RABGEF1: variants seen among roughly 807,000 people sequenced by gnomAD.
RABGEF1 encodes RAB guanine nucleotide exchange factor 1, also known as rab5 GDP/GTP exchange factor.
Under a neutral mutation model 57.3 loss-of-function variants are expected in RABGEF1, and 26 were observed. The observed-to-expected ratio is 0.45, with a 90% CI of 0.33 to 0.63. The LOEUF (loss-of-function observed/expected upper bound fraction) is 0.63. Ranked by LOEUF, RABGEF1 falls within the 20% of genes least tolerant of loss-of-function variation. The pLI is 0.02. For synonymous variants in RABGEF1, 185 were observed against 210.7 expected (o/e 0.88, Z 1.06); for missense variants, 464 against 607.6 (o/e 0.76, Z 2.48).
intron 4 of RABGEF1, among the ~76,000 whole-genome samples, chr7:66,786,100 C>T (rs142226170): frequency 6.6e-6 from 1 of 152,228 alleles, no homozygotes; most frequent in East Asian, 1.9e-4. Context: ...TTCTGAGATC[C>T]AGGAGAGTGA....
intron 2 of RABGEF1, among the ~76,000 whole-genome samples, chr7:66,730,388 G>A (rs796370244): frequency 2.6e-5 from 4 of 152,164 alleles, no homozygotes; most frequent in African/African-American, 7.2e-5. Flanking sequence ...CATCTTAAAC[G>A]GTAGGTTATT....
Position 66,809,541 on chromosome 7 carries a change from G to C in RABGEF1, c.*257G>C, listed in dbSNP as rs544892091. On this transcript the variant is annotated 3_prime_UTR_variant, in exon 9 of 9. Coordinates refer to ENST00000284957, the MANE Select transcript of RABGEF1 (RefSeq NM_014504.3). ...TTGTCTCAATCTTTTTTCCCTCCAT[G>C]ATTTTCCTATGTGCTTCCTCTGGCA... 1.5e-4 allele frequency: 53 copies of C among 349,054 alleles called. No individual in the cohort carries two copies. The highest frequency in any genetic ancestry group is 2.6e-4 in the Non-Finnish European group (51 of 195,108). 21.6% of individuals were successfully genotyped at this position (349,054 alleles called of 1,614,324 possible). A position where few individuals can be genotyped will look rare whatever the true frequency, so the allele number is the denominator to read the frequency against.
chr7:66,801,527 T>TC (rs946599808), intron 7 of RABGEF1, among the ~76,000 whole-genome samples: 3 of 152,122 alleles, frequency 2.0e-5, no homozygotes, highest in African/African-American at 7.2e-5. Context: ...ATCCCCACTA[T>TC]CCCCCATGCC....
At chr7:66,738,725 C>CT (rs1798342200), upstream of RABGEF1, among the ~76,000 whole-genome samples, 5 of 110,180 alleles carry the variant, frequency 4.5e-5, no homozygotes, top group South Asian at 1.9e-3. Context: ...GAGTGAGACT[C>CT]TAACTCAAAA....
intron 1 of RABGEF1, among the ~76,000 whole-genome samples, chr7:66,761,496 G>A (rs1804341623): frequency 6.6e-6 from 1 of 152,224 alleles, no homozygotes; most frequent in African/African-American, 2.4e-5. Context: ...GGGGGAAGGT[G>A]CAGAACTTCC....
At chr7:66,677,545 A>G (rs897386376), upstream of RABGEF1, among the ~76,000 whole-genome samples, 1 of 151,650 alleles carries the variant, frequency 6.6e-6, no homozygotes, top group African/African-American at 2.4e-5. Context: ...GGCGGATCAC[A>G]AGGTCAGGAG....
upstream of RABGEF1, among the ~76,000 whole-genome samples, chr7:66,679,689 G>A (rs746046253): frequency 6.6e-6 from 1 of 152,106 alleles, no homozygotes; most frequent in East Asian, 1.9e-4. Flanking sequence ...GCTTTCCTCA[G>A]GCCTTTTCTG....
chr7:66,689,337 A>G (rs568208934), intron 1 of RABGEF1, among the ~76,000 whole-genome samples: 1 of 152,230 alleles, frequency 6.6e-6, no homozygotes, highest in South Asian at 2.1e-4. Context: ...GAAAACTCAA[A>G]TAGCCAAAAT....
At chr7:66,779,379 C>T (rs1809317728) in intron 3 of RABGEF1, among the ~76,000 whole-genome samples, 1 of 152,076 alleles carries the variant, frequency 6.6e-6, no homozygotes, top group East Asian at 1.9e-4. Context: ...TGGCACGTGC[C>T]TGCAATCCCA....
intron 5 of RABGEF1, chr7:66,796,798 C>T (rs1015863191): frequency 2.4e-4 from 87 of 362,880 alleles, no homozygotes; most frequent in African/African-American, 1.9e-3. Flanking sequence ...ACCATGTTGG[C>T]CAGGCTGGTC....
At chr7:66,746,436 AACC>A (rs917023497) in intron 1 of RABGEF1, among the ~76,000 whole-genome samples, 1 of 148,102 alleles carries the variant, frequency 6.8e-6, no homozygotes, top group Non-Finnish European at 1.5e-5. Flanking sequence ...CCGAGTAGTT[AACC>A]ACCATACCCA....
chr7:66,734,767 CATG>C (rs1797755065), intron 2 of RABGEF1, among the ~76,000 whole-genome samples: 1 of 151,992 alleles, frequency 6.6e-6, no homozygotes, highest in Admixed American at 6.6e-5. Flanking sequence ...CCAATGGGTG[CATG>C]ATATTGTTGT....
At chr7:66,744,803 C>T (rs1448880803) in intron 1 of RABGEF1, among the ~76,000 whole-genome samples, 1 of 152,090 alleles carries the variant, frequency 6.6e-6, no homozygotes, top group African/African-American at 2.4e-5. Context: ...CTTTCTCAAC[C>T]CCAATTGAGC....
At chr7:66,719,113 C>T (rs1045424778) in intron 2 of RABGEF1, among the ~76,000 whole-genome samples, 5 of 152,216 alleles carry the variant, frequency 3.3e-5, no homozygotes, top group African/African-American at 1.2e-4. Flanking sequence ...CTTGTCTCAC[C>T]ATGTCATGTG....
intron 1 of RABGEF1, chr7:66,756,085 C>A: frequency 2.8e-6 from 4 of 1,451,822 alleles, no homozygotes; most frequent in Non-Finnish European, 2.7e-6. Flanking sequence ...AAGGTGAGTA[C>A]TGAAAGATAT....
the RABGEF1 span, among the ~76,000 whole-genome samples, chr7:66,656,254 C>T: frequency 6.6e-6 from 1 of 152,104 alleles, no homozygotes; most frequent in Non-Finnish European, 1.5e-5. Flanking sequence ...GTTGCTGAGA[C>T]TGCAGATGCG....
In RABGEF1 at chr7:66,699,851, T is replaced by C. The variant is rs1792959917; in HGVS notation, c.-872-12316T>C. Among the ~76,000 whole-genome samples the C allele has an allele frequency of 1.3e-5, 2 of 152,044 alleles. 1 individual carries two copies. The highest frequency in any genetic ancestry group is 4.1e-4 in the South Asian group (2 of 4,830). On this transcript the variant is annotated intron_variant and NMD_transcript_variant, in intron 1 of 9. Coordinates refer to the RABGEF1 transcript ENST00000607882. ...CTGAGTGACAGAGAGAGACCCTGTC[T>C]CAAAAATAAAATAAAAATAAAATGG...
chr7:66,759,085 T>A (rs1283387672), intron 1 of RABGEF1, among the ~76,000 whole-genome samples: 1 of 152,130 alleles, frequency 6.6e-6, no homozygotes, highest in East Asian at 1.9e-4. Flanking sequence ...CATACGTAGA[T>A]TCCTGTAGCC....
chr7:66,719,268 A>G (rs542337878), intron 2 of RABGEF1, among the ~76,000 whole-genome samples: 7 of 152,320 alleles, frequency 4.6e-5, no homozygotes, highest in Non-Finnish European at 7.3e-5. Flanking sequence ...TGAACCACAA[A>G]TGGAGAGCTT....
Sources: gnomAD v4.1 joint callset for allele counts (sites outside exome capture counted in the v4.1 genomes callset) on GRCh38, gnomAD v4.1.1 for gene constraint, MANE v1.5 for transcripts, NCBI Gene and HGNC (gene_info 2026-07-23, HGNC 2026-07-21) for gene names.